MAGI3: variants seen among roughly 807,000 people sequenced by gnomAD.
The protein encoded by MAGI3 is membrane associated guanylate kinase, WW and PDZ domain containing 3.
Under a neutral mutation model 121.8 loss-of-function variants are expected in MAGI3, and 43 were observed. The ratio of observed to expected loss-of-function variants is 0.35; its 90% CI spans 0.28 to 0.46. MAGI3 has a LOEUF of 0.46. MAGI3 is among the 20% of genes least tolerant of loss of function. The pLI, the probability that MAGI3 is intolerant of heterozygous loss-of-function variation, is 1.00. For missense variants in MAGI3, 1,547 were observed against 1,797.3 expected, an observed-to-expected ratio of 0.86 and a Z score of 2.52; for synonymous variants, 553 against 639.3, an observed-to-expected ratio of 0.86 and a Z score of 2.04.
At chr1:113,657,198 AT>A (rs1447028358) in intron 15 of MAGI3, among the ~76,000 whole-genome samples, 1 of 152,250 alleles carries the variant, frequency 6.6e-6, no homozygotes, top group African/African-American at 2.4e-5. Context: ...GACTTTGTGT[AT>A]CAACAAAAAC....
chr1:113,561,804 G>A (rs1480080296), intron 2 of MAGI3, among the ~76,000 whole-genome samples: 1 of 152,096 alleles, frequency 6.6e-6, no homozygotes, highest in Non-Finnish European at 1.5e-5. Context: ...TATTCATATA[G>A]GAAGAGGAAG....
chr1:113,493,131 C>T (rs1239374729), intron 1 of MAGI3, among the ~76,000 whole-genome samples: 1 of 152,140 alleles, frequency 6.6e-6, no homozygotes, highest in South Asian at 2.1e-4. Context: ...TGCTACCTGA[C>T]TTAAAACCGT....
In MAGI3 at chr1:113,401,871, A is replaced by G. The variant is rs368403526; in HGVS notation, c.316+10522A>G. ...TCCTTCTAGACTTCGAGTATTGCACACCTAAGATGGATCCTTTGAAGAGGC... is the reference window on the plus strand; with the variant it reads ...TCCTTCTAGACTTCGAGTATTGCACGCCTAAGATGGATCCTTTGAAGAGGC... On this transcript the variant is annotated intron_variant, in intron 1 of 20. Coordinates refer to ENST00000307546, the MANE Select transcript of MAGI3 (RefSeq NM_001142782.2). 3.6e-4 allele frequency among the ~76,000 whole-genome samples: 55 copies of G among 152,326 alleles called. No individual in the cohort carries two copies. The East Asian group carries it at 6.4e-3, about 18-fold the overall frequency.
chr1:113,450,345 G>C, intron 1 of MAGI3: 1 of 1,327,296 alleles, frequency 7.5e-7, no homozygotes, highest in South Asian at 1.2e-5. Flanking sequence ...GAGCTATGGT[G>C]GTGGAGGTGG....
intron 1 of MAGI3, among the ~76,000 whole-genome samples, chr1:113,452,654 GA>G (rs571768731): frequency 6.6e-6 from 1 of 152,024 alleles, no homozygotes; most frequent in African/African-American, 2.4e-5. Context: ...TTTATAGTGG[GA>G]AAAAACCCCA....
chr1:113,519,917 T>C (rs888520868), intron 1 of MAGI3, among the ~76,000 whole-genome samples: 9 of 152,240 alleles, frequency 5.9e-5, no homozygotes, highest in Admixed American at 5.9e-4. Flanking sequence ...TCCCAGGGGC[T>C]AGCCAAGGGC....
intron 1 of MAGI3, among the ~76,000 whole-genome samples, chr1:113,516,628 C>T (rs1020561230): frequency 1.3e-5 from 2 of 151,940 alleles, no homozygotes; most frequent in Non-Finnish European, 2.9e-5. Flanking sequence ...GTAGACAAAT[C>T]TCCTGTGAGG....
intron 1 of MAGI3, among the ~76,000 whole-genome samples, chr1:113,494,722 G>A (rs1656834684): frequency 6.6e-6 from 1 of 152,168 alleles, no homozygotes. Context: ...CAATCAATGT[G>A]TCTGTAAACA....
At chr1:113,437,599 TA>T (rs5777159) in intron 1 of MAGI3, among the ~76,000 whole-genome samples, 23,130 of 152,080 alleles carry the variant, frequency 0.15, 2,789 homozygotes, top group East Asian at 0.62. Flanking sequence ...TATCTTTGTA[TA>T]TATTGAATAA....
Position 113,494,508 on chromosome 1 carries a change from TAA to T in MAGI3, c.317-55004_317-55003del, listed in dbSNP as rs1195862415. ...TGTGTACCCTTGAACTTAAATTTTT[TAA>T]AAGTTTATTAAGGTGAAAATGGTTA... On this transcript the variant is annotated intron_variant, in intron 1 of 20. Coordinates refer to ENST00000307546, the MANE Select transcript of MAGI3 (RefSeq NM_001142782.2). Among the ~76,000 whole-genome samples, 7 of 152,316 alleles carry T rather than the reference TAA, an allele frequency of 4.6e-5. No individual in the cohort carries two copies. The East Asian group carries it at 1.2e-3, about 25-fold the overall frequency.
At chr1:113,600,944 A>T (rs925036046) in intron 6 of MAGI3, among the ~76,000 whole-genome samples, 3 of 152,202 alleles carry the variant, frequency 2.0e-5, no homozygotes, top group Non-Finnish European at 4.4e-5. Flanking sequence ...ATCTTTGACA[A>T]ACCTGAGAAA....
At position 113,621,388 on chromosome 1, in the gene MAGI3, G is replaced by C. The variant is rs554961583; in HGVS notation, c.1172-1418G>C. ...ATGTGTTGGATTTGACAGTAGGGAG[G>C]TCATTAGTCACTCTAGGAAGAGCAA... On this transcript the variant is annotated intron_variant, in intron 8 of 20. Coordinates refer to ENST00000307546, the MANE Select transcript of MAGI3 (RefSeq NM_001142782.2). Among the ~76,000 whole-genome samples, 114 of 152,220 alleles carry C rather than the reference G, an allele frequency of 7.5e-4. 1 individual carries two copies. The highest frequency in any genetic ancestry group is 2.5e-3 in the African/African-American group (105 of 41,526).
At position 113,391,364 on chromosome 1, in the gene MAGI3, C is replaced by G. The variant is rs918673468; in HGVS notation, c.316+15C>G. On this transcript the variant is annotated intron_variant, in intron 1 of 20. Transcript: ENST00000307546. This position sits in a 1 kb window ranked among gnomAD's most constrained non-coding sequence, Gnocchi z 4.4. ...TGTGAAACCAGGTACGCCGGCCCTG[C>G]GTATCTGTCTCGGGGTGTTGGGGAG... is the stretch of plus-strand genomic sequence containing the variant. 17 of 1,578,428 alleles carry G rather than the reference C, an allele frequency of 1.1e-5. No homozygotes were observed. Among genetic ancestry groups the G allele is most frequent in the African/African-American group, 2.7e-5 (2 of 73,914 alleles).
At chr1:113,488,040 T>C (rs1262102710) in intron 1 of MAGI3, among the ~76,000 whole-genome samples, 1 of 152,220 alleles carries the variant, frequency 6.6e-6, no homozygotes. Flanking sequence ...CTTCCTTAAT[T>C]TTTTATCCTG....
chr1:113,630,207 G>T (rs141425415), intron 9 of MAGI3, among the ~76,000 whole-genome samples: 240 of 152,088 alleles, frequency 1.6e-3, no homozygotes, highest in Non-Finnish European at 2.8e-3. Flanking sequence ...CACAGACAGA[G>T]AAACCTCTCC....
At chr1:113,395,722 A>G (rs1469448121) in intron 1 of MAGI3, among the ~76,000 whole-genome samples, 1 of 151,800 alleles carries the variant, frequency 6.6e-6, no homozygotes, top group Non-Finnish European at 1.5e-5. Context: ...ATCATTTTCT[A>G]GTATATCATT....
intron 1 of MAGI3, among the ~76,000 whole-genome samples, chr1:113,439,985 A>G (rs920906267): frequency 6.6e-6 from 1 of 152,168 alleles, no homozygotes; most frequent in Admixed American, 6.5e-5. Flanking sequence ...TGTGTAATGT[A>G]AAGAACATGG....
chr1:113,422,761 G>A lies in MAGI3; in HGVS notation c.316+31412G>A, dbSNP rs893354791. ...CCCTATTGCCCTCAGTGTGGCGAGT[G>A]GGGGAGGCATGTTTCGGGGGGCATG... On this transcript the variant is annotated intron_variant, in intron 1 of 20. Coordinates refer to ENST00000307546, the MANE Select transcript of MAGI3 (RefSeq NM_001142782.2). This position sits in a 1 kb window ranked among gnomAD's most constrained non-coding sequence, Gnocchi z 4.3. Among the ~76,000 whole-genome samples, 4 of 152,224 alleles carry A rather than the reference G, an allele frequency of 2.6e-5. No homozygotes were observed. The highest frequency in any genetic ancestry group is 9.6e-5 in the African/African-American group (4 of 41,462).
At chr1:113,440,408 A>G (rs2101455215) in intron 1 of MAGI3, among the ~76,000 whole-genome samples, 2 of 152,324 alleles carry the variant, frequency 1.3e-5, no homozygotes. Flanking sequence ...GTCTTAGGAT[A>G]TCTGTGAAGT....
Sources: gnomAD v4.1 joint callset for allele counts (sites outside exome capture counted in the v4.1 genomes callset) on GRCh38, gnomAD v4.1.1 for gene constraint, Gnocchi (gnomAD v3.1) non-coding constraint, MANE v1.5 for transcripts, NCBI Gene and HGNC (gene_info 2026-07-23, HGNC 2026-07-21) for gene names.